AP3B1: variants seen among roughly 807,000 people sequenced by gnomAD.
The protein encoded by AP3B1 is AP-3 complex subunit beta-1.
AP3B1 carries 61 observed loss-of-function variants against 132.5 expected under a neutral mutation model. The ratio of observed to expected loss-of-function variants is 0.46; its 90% CI spans 0.37 to 0.57. AP3B1 has a LOEUF of 0.57. AP3B1 is among the 20% of genes least tolerant of loss of function. The pLI, the probability that AP3B1 is intolerant of heterozygous loss-of-function variation, is 0.00. For missense variants in AP3B1, 1,120 were observed against 1,289.4 expected, an observed-to-expected ratio of 0.87 and a Z score of 2.01; for synonymous variants, 388 against 438.3, an observed-to-expected ratio of 0.89 and a Z score of 1.43.
At chr5:78,223,310 T>TA (rs967073654) in intron 6 of AP3B1, among the ~76,000 whole-genome samples, 8 of 151,722 alleles carry the variant, frequency 5.3e-5, no homozygotes, top group East Asian at 3.8e-4. Context: ...TATTCTTAAT[T>TA]AAAAAAAATA....
chr5:78,053,697 A>AG lies in AP3B1; in HGVS notation c.2578-14424dup, dbSNP rs1561376794. On this transcript the variant is annotated intron_variant, in intron 22 of 26. Coordinates refer to ENST00000255194, the MANE Select transcript of AP3B1 (RefSeq NM_003664.5). ...CCATCTCAAAAAAAAAAAAAAAAAAAGAAAGAAAAGAAAAGTCCCCCTCAG... is the reference window on the plus strand; with the variant it reads ...CCATCTCAAAAAAAAAAAAAAAAAAAGGAAAGAAAAGAAAAGTCCCCCTCAG... 6.8e-4 allele frequency among the ~76,000 whole-genome samples: 97 copies of AG among 142,758 alleles called. 1 individual carries two copies. The highest frequency in any genetic ancestry group is 2.4e-3 in the African/African-American group (89 of 37,336). 93.7% of individuals were successfully genotyped at this position (142,758 alleles called of 152,430 possible). A position where few individuals can be genotyped will look rare whatever the true frequency, so the allele number is the denominator to read the frequency against.
chr5:78,107,611 C>T (rs745512677), intron 20 of AP3B1, among the ~76,000 whole-genome samples: 2 of 152,004 alleles, frequency 1.3e-5, no homozygotes, highest in Admixed American at 6.6e-5. Context: ...CACAGAGCTG[C>T]GTTCAAAGGA....
chr5:78,256,434 C>T (rs1388459355), intron 2 of AP3B1, among the ~76,000 whole-genome samples: 1 of 151,934 alleles, frequency 6.6e-6, no homozygotes, highest in Admixed American at 6.6e-5. Context: ...TGGACAAATT[C>T]CTAGATACAT....
chr5:78,289,923 G>C (rs1749440613), intron 1 of AP3B1, among the ~76,000 whole-genome samples: 1 of 152,006 alleles, frequency 6.6e-6, no homozygotes, highest in East Asian at 1.9e-4. Flanking sequence ...CAAATCTTCT[G>C]GTTTCTACAT....
Position 78,055,028 on chromosome 5 carries a change from C to G in AP3B1, c.2578-15754G>C, listed in dbSNP as rs763809985. ...AGACAGACCTACAGACACACACACA[C>G]ACACACACACACACACACACACACA... is the stretch of plus-strand genomic sequence containing the variant. On this transcript the variant is annotated intron_variant, in intron 22 of 26. Coordinates refer to ENST00000255194, the MANE Select transcript of AP3B1 (RefSeq NM_003664.5). 5.6e-3 allele frequency among the ~76,000 whole-genome samples: 497 copies of G among 89,074 alleles called. 2 individuals carry two copies. Among genetic ancestry groups the G allele is most frequent in the African/African-American group, 0.02 (461 of 22,650 alleles). 58.4% of individuals were successfully genotyped at this position (89,074 alleles called of 152,430 possible).
intron 7 of AP3B1, among the ~76,000 whole-genome samples, chr5:78,215,356 G>A (rs1294169948): frequency 2.6e-5 from 4 of 151,722 alleles, no homozygotes; most frequent in African/African-American, 9.7e-5. Flanking sequence ...AATCTTAAAT[G>A]TATACATCCT....
intron 19 of AP3B1, among the ~76,000 whole-genome samples, chr5:78,110,590 T>C (rs1751535611): frequency 6.6e-6 from 1 of 151,942 alleles, no homozygotes; most frequent in South Asian, 2.1e-4. Context: ...TAGAAAACAT[T>C]AAATGTTTGA....
chr5:78,122,172 A>AGGTATTGAG (rs2112283720), intron 17 of AP3B1, among the ~76,000 whole-genome samples: 1 of 152,324 alleles, frequency 6.6e-6, no homozygotes, highest in Admixed American at 6.5e-5. Context: ...ACTCTCAATA[A>AGGTATTGAG]ATTAGGTATT....
intron 22 of AP3B1, 129 bp from the exon 23 acceptor site, chr5:78,039,403 CATT>C (rs1330299113): frequency 4.1e-6 from 3 of 734,712 alleles, no homozygotes. Flanking sequence ...CAATAACAAA[CATT>C]AGTAGGATAT....
chr5:78,259,089 T>C (rs1275479544), intron 2 of AP3B1, among the ~76,000 whole-genome samples: 1 of 151,186 alleles, frequency 6.6e-6, no homozygotes, highest in Non-Finnish European at 1.5e-5. Context: ...TACAAAAAAA[T>C]ACAAAAAAAT....
rs148688309 is a variant in AP3B1, at chr5:78,071,324, C to T, written c.2577+18069G>A. 8.3e-3 allele frequency among the ~76,000 whole-genome samples: 1,261 copies of T among 152,238 alleles called. 16 individuals carry two copies. The highest frequency in any genetic ancestry group is 0.029 in the African/African-American group (1,190 of 41,524). ...AACACAGGAACAGAAAACCAAACAC[C>T]GCATGTTCTCACTTATAAGTGGGAG... is the stretch of plus-strand genomic sequence containing the variant. On this transcript the variant is annotated intron_variant, in intron 22 of 26. Coordinates refer to ENST00000255194, the MANE Select transcript of AP3B1 (RefSeq NM_003664.5).
At chr5:78,082,833 T>TA (rs1750074246) in intron 22 of AP3B1, among the ~76,000 whole-genome samples, 1 of 152,012 alleles carries the variant, frequency 6.6e-6, no homozygotes, top group African/African-American at 2.4e-5. Flanking sequence ...TTTTTTTTTT[T>TA]AGACGGAGTT....
At chr5:78,110,000 A>G (rs1751505108) in intron 20 of AP3B1, among the ~76,000 whole-genome samples, 1 of 152,154 alleles carries the variant, frequency 6.6e-6, no homozygotes, top group Non-Finnish European at 1.5e-5. Context: ...GCCAAGAACA[A>G]AAAAGGTCAT....
chr5:78,070,992 C>A (rs1580309442), intron 22 of AP3B1, among the ~76,000 whole-genome samples: 1 of 152,194 alleles, frequency 6.6e-6, no homozygotes, highest in African/African-American at 2.4e-5. Context: ...TTGTGGAAGA[C>A]AATGAGGTTA....
At chr5:78,144,892 G>A (rs1252039723) in intron 14 of AP3B1, among the ~76,000 whole-genome samples, 4 of 151,982 alleles carry the variant, frequency 2.6e-5, no homozygotes, top group Non-Finnish European at 5.9e-5. Context: ...GGAGTGCGGT[G>A]GTGCAATCAT....
At chr5:78,168,864 A>T (rs1743778190) in intron 11 of AP3B1, among the ~76,000 whole-genome samples, 1 of 152,118 alleles carries the variant, frequency 6.6e-6, no homozygotes, top group African/African-American at 2.4e-5. Flanking sequence ...ACAGTTTCTT[A>T]GTCTTTCTTT....
intron 7 of AP3B1, among the ~76,000 whole-genome samples, chr5:78,200,467 G>A (rs993597503): frequency 4.6e-5 from 7 of 152,126 alleles, no homozygotes; most frequent in Non-Finnish European, 8.8e-5. Context: ...AGACCAGCCT[G>A]AGCAACATGG....
chr5:78,014,521 T>G (rs1746776437), intron 26 of AP3B1, among the ~76,000 whole-genome samples: 1 of 152,160 alleles, frequency 6.6e-6, no homozygotes, highest in Non-Finnish European at 1.5e-5. Flanking sequence ...CCTGTAGCAT[T>G]TTTCATATGG....
intron 7 of AP3B1, among the ~76,000 whole-genome samples, chr5:78,201,953 C>G (rs72776476): frequency 0.18 from 27,971 of 152,082 alleles, 2,831 homozygotes; most frequent in Admixed American, 0.27. Flanking sequence ...TGTATACAGT[C>G]TGATATGGTT....
Sources: allele counts gnomAD v4.1 joint callset (sites outside exome capture counted in the v4.1 genomes callset), GRCh38; gene constraint gnomAD v4.1.1; transcripts MANE v1.5; gene names NCBI Gene and HGNC (gene_info 2026-07-23, HGNC 2026-07-21).